The following SAMD11 variants were observed in gnomAD, a reference collection of about 807,000 sequenced individuals.
The protein encoded by SAMD11 is sterile alpha motif domain-containing protein 11.
In SAMD11, 77 loss-of-function variants were observed where a neutral mutation model predicts 64.4. The ratio of observed to expected loss-of-function variants is 1.20; its 90% CI spans 0.99 to 1.44. SAMD11 has a LOEUF of 1.44. SAMD11 is among the 40% of genes most tolerant of loss of function. The pLI is 0.00. For synonymous variants in SAMD11, 658 were observed against 421.9 expected (o/e 1.56, Z -6.86); for missense variants, 1,402 against 943.3 (o/e 1.49, Z -6.37).
At chr1:929,963 G>A (rs908928993) in intron 2 of SAMD11, among the ~76,000 whole-genome samples, 192 bp from the exon 3 acceptor site, 2 of 152,174 alleles carry the variant, frequency 1.3e-5, no homozygotes, top group African/African-American at 2.4e-5. Flanking sequence ...GGCCCCAGGC[G>A]CATCCCAGAG....
chr1:936,712 G>A (rs1641471597), intron 5 of SAMD11, among the ~76,000 whole-genome samples: 1 of 152,192 alleles, frequency 6.6e-6, no homozygotes, highest in African/African-American at 2.4e-5. Flanking sequence ...CCCCATCTGT[G>A]TCCCCCATCC....
At chr1:939,608 G>T in intron 7 of SAMD11, 196 bp downstream of exon 7, 1 of 921,842 alleles carries the variant, frequency 1.1e-6, no homozygotes, top group Non-Finnish European at 1.6e-6. Flanking sequence ...CCCCTGGGGC[G>T]GGCCACACCT....
chr1:932,035 C>G (rs1167810594), intron 4 of SAMD11, among the ~76,000 whole-genome samples: 1 of 152,226 alleles, frequency 6.6e-6, no homozygotes, highest in Non-Finnish European at 1.5e-5. Flanking sequence ...TGTCTTGGCT[C>G]CACGCCAGAT....
intron 2 of SAMD11, among the ~76,000 whole-genome samples, chr1:928,933 C>G (rs572559299): frequency 6.6e-6 from 1 of 152,190 alleles, no homozygotes; most frequent in Admixed American, 6.5e-5. Flanking sequence ...CCCCAAGCTC[C>G]GGGCTGTGTT....
At chr1:930,642 C>T (rs1329481619) in intron 3 of SAMD11, among the ~76,000 whole-genome samples, 1 of 152,264 alleles carries the variant, frequency 6.6e-6, no homozygotes, top group Non-Finnish European at 1.5e-5. Flanking sequence ...GGGTCCCAGT[C>T]TGGCCAGAGA....
intron 2 of SAMD11, among the ~76,000 whole-genome samples, chr1:927,057 A>G (rs1205814269): frequency 1.3e-5 from 2 of 152,140 alleles, no homozygotes; most frequent in Non-Finnish European, 2.9e-5. Context: ...TCCCTCAGAC[A>G]TACAGCATGT....
chr1:925,779 C>G, intron 1 of SAMD11, 143 bp from the exon 2 acceptor site: 1 of 636,508 alleles, frequency 1.6e-6, no homozygotes, highest in Non-Finnish European at 2.8e-6. Context: ...GGACGGGAAG[C>G]GGGCTGGGAA....
In SAMD11 at chr1:942,952, G is replaced by A; in HGVS notation, c.1947G>A (p.Pro649=). The A allele has an allele frequency of 6.5e-7, 1 of 1,546,848 alleles. No individual in the cohort carries two copies. The highest frequency in any genetic ancestry group is 8.7e-7 in the Non-Finnish European group (1 of 1,147,070). The change falls in exon 11 of 14, where the codon CCG becomes CCA. Residue 649 remains proline (P), a synonymous_variant. Coordinates refer to ENST00000616016, the MANE Select transcript of SAMD11 (RefSeq NM_001385641.1). ...TAAVGCRGPT[P]GQAPAGGAGA... ...CTGTTGGGTGCAGGGGGCCCACTCC[G>A]GGCCAAGCTCCAGCTGGAGGGGCCG...
rs1425404814 is a variant in SAMD11, at chr1:942,683, C to G, written c.1678C>G (p.Leu560Val). Reference protein sequence around the residue: ...GAEELQRRGALLVLNHGAAPL... With the variant: ...GAEELQRRGAVLVLNHGAAPL... ...CGAGGAGCTGCAGCGGCGCGGGGCC[C>G]TGCTGGTGCTGAACCACGGCGCGGC... The change falls in exon 11 of 14, where the codon CTG (leucine) becomes GTG (valine). Residue 560 changes from leucine to valine, a missense_variant. By Grantham distance (32) the Leu-to-Val change is conservative (BLOSUM62 1). Transcript: ENST00000616016. 7.0e-7 allele frequency: 1 copy of G among 1,437,964 alleles called. No individual in the cohort carries two copies. Among genetic ancestry groups the G allele is most frequent in the East Asian group, 3.0e-5 (1 of 33,318 alleles). 89.1% of individuals were successfully genotyped at this position (1,437,964 alleles called of 1,614,324 possible).
At chr1:930,122 C>G in intron 2 of SAMD11, 33 bp from the exon 3 acceptor site, 2 of 1,542,406 alleles carry the variant, frequency 1.3e-6, no homozygotes, top group Non-Finnish European at 1.8e-6. Context: ...TCCTCTCCTC[C>G]TGCCCCACCT....
Position 944,397 on chromosome 1 carries a change from T to G in SAMD11, c.*244T>G. The G allele has an allele frequency of 4.0e-6, 5 of 1,243,076 alleles. No homozygotes were observed. The highest frequency in any genetic ancestry group is 4.1e-5 in the South Asian group (2 of 49,116). The allele number at this position is 1,243,076 out of a possible 1,614,324, so 77.0% of individuals were successfully genotyped here. A position where few individuals can be genotyped will look rare whatever the true frequency, so the allele number is the denominator to read the frequency against. ...GAGGTGGTGGAAGGGGCCAGGGGCC[T>G]GCAGGCCTCCCCCTGGAACTGGGAC... On this transcript the variant is annotated 3_prime_UTR_variant, in exon 14 of 14. Transcript: ENST00000616016.
intron 2 of SAMD11, among the ~76,000 whole-genome samples, chr1:929,536 T>C (rs922616014): frequency 3.9e-5 from 6 of 152,184 alleles, no homozygotes; most frequent in Admixed American, 6.5e-5. Context: ...GAAAAGGGCA[T>C]TCGCTTGTCA....
At chr1:940,402 G>C (rs990955389) in intron 7 of SAMD11, 8 of 151,874 alleles carry the variant, frequency 5.3e-5, no homozygotes, top group Non-Finnish European at 1.2e-4. Flanking sequence ...GCGGGCGGCC[G>C]CGCCGGCTGG....
intron 2 of SAMD11, among the ~76,000 whole-genome samples, chr1:927,052 C>T (rs899866059): frequency 1.3e-5 from 2 of 152,150 alleles, no homozygotes; most frequent in Admixed American, 1.3e-4. Context: ...GCTGGTCCCT[C>T]AGACATACAG....
intron 5 of SAMD11, among the ~76,000 whole-genome samples, chr1:936,601 G>A (rs937817709): frequency 5.9e-5 from 9 of 152,134 alleles, no homozygotes; most frequent in Non-Finnish European, 1.2e-4. Flanking sequence ...AGGGCAGGCC[G>A]TGAAAGGAGG....
intron 5 of SAMD11, among the ~76,000 whole-genome samples, chr1:936,933 A>G (rs1641486831): frequency 6.6e-6 from 1 of 152,142 alleles, no homozygotes; most frequent in Non-Finnish European, 1.5e-5. Flanking sequence ...AGACCTCCTC[A>G]GGTACACGCG....
At chr1:939,514 C>G in intron 7 of SAMD11, 102 bp downstream of exon 7, 1 of 1,549,612 alleles carries the variant, frequency 6.5e-7, no homozygotes, top group South Asian at 1.2e-5. Flanking sequence ...GCCACATGTA[C>G]TCGGCCATTC....
At position 942,847 on chromosome 1, in the gene SAMD11, G is replaced by A. The variant is rs1569917129; in HGVS notation, c.1842G>A (p.Thr614=). The part of the protein sequence containing the change: ...SARPSESKEM[T]GARLWAQDGS... ...GGCCCAGCGAGTCCAAGGAGATGACGGGGGCTAGGCTCTGGGCACAAGATG... is the reference window on the plus strand; with the variant it reads ...GGCCCAGCGAGTCCAAGGAGATGACAGGGGCTAGGCTCTGGGCACAAGATG... The change falls in exon 11 of 14, where the codon ACG becomes ACA. Residue 614 remains threonine, a synonymous_variant. Transcript: ENST00000616016. 6.4e-7 allele frequency: 1 copy of A among 1,551,606 alleles called. No individual in the cohort carries two copies. Among genetic ancestry groups the A allele is most frequent in the East Asian group, 2.4e-5 (1 of 41,162 alleles).
chr1:943,241 CCCA>C lies in SAMD11; in HGVS notation c.2054-10_2054-8del, dbSNP rs777130976. 1 of 1,612,808 alleles carries C rather than the reference CCCA, an allele frequency of 6.2e-7. No homozygotes were observed. Among genetic ancestry groups the C allele is most frequent in the South Asian group, 1.1e-5 (1 of 90,990 alleles). On this transcript the variant is annotated splice_polypyrimidine_tract_variant and intron_variant, in intron 11 of 13. Transcript: ENST00000616016. ...GCCAGCCAGAGCCCTAGTAACACGC[CCCA>C]CAACTCAGGCGCGGTAGGGGGACTC...
Sources: allele counts gnomAD v4.1 joint callset (sites outside exome capture counted in the v4.1 genomes callset), GRCh38; gene constraint gnomAD v4.1.1; transcripts MANE v1.5; gene names NCBI Gene and HGNC (gene_info 2026-07-23, HGNC 2026-07-21).